LEF1: variants seen among roughly 807,000 people sequenced by gnomAD.
The protein encoded by LEF1 is lymphoid enhancer binding factor 1.
Under a neutral mutation model 51.2 loss-of-function variants are expected in LEF1, and 14 were observed. The observed-to-expected ratio is 0.27, with a 90% CI of 0.18 to 0.43. The LOEUF (loss-of-function observed/expected upper bound fraction) is 0.43, where lower values mean the gene tolerates loss of function less well. LEF1 is among the 20% of genes least tolerant of loss of function. The pLI, the probability that LEF1 is intolerant of heterozygous loss-of-function variation, is 1.00. For missense variants in LEF1, 386 were observed against 512.0 expected (o/e 0.75, Z 2.37); for synonymous variants, 185 against 183.2 (o/e 1.01, Z -0.08).
At chr4:108,149,639 A>ATATATGTACATGTG (rs1299473611) in intron 3 of LEF1, among the ~76,000 whole-genome samples, 18 of 148,224 alleles carry the variant, frequency 1.2e-4, no homozygotes, top group Non-Finnish European at 2.1e-4. Context: ...ATATATGTAC[A>ATATATGTACATGTG]TATATGTACA....
At chr4:108,087,802 C>T (rs1739750214) in intron 4 of LEF1, among the ~76,000 whole-genome samples, 1 of 152,156 alleles carries the variant, frequency 6.6e-6, no homozygotes, top group African/African-American at 2.4e-5. Flanking sequence ...CCTGTCTCCC[C>T]TTGGGTATCT....
chr4:108,051,050 G>A (rs1399078033), intron 11 of LEF1, among the ~76,000 whole-genome samples: 2 of 152,196 alleles, frequency 1.3e-5, no homozygotes, highest in Non-Finnish European at 2.9e-5. Flanking sequence ...CCCAGAGATA[G>A]CCATTTACCT....
chr4:108,078,390 G>T lies in LEF1; in HGVS notation c.846-8C>A, dbSNP rs756655488. The stretch of plus-strand genomic sequence containing the variant: ...TGTTCATGCTGAGGCTTCCTAAAAG[G>T]TGGTGGTGGTGGTGGTTAGGGGAAG... On this transcript the variant is annotated splice_region_variant and splice_polypyrimidine_tract_variant and intron_variant, in intron 7 of 11. Transcript: ENST00000265165. 10 of 1,608,456 alleles carry T rather than the reference G, an allele frequency of 6.2e-6. No homozygotes were observed. The African/African-American group carries it at 9.4e-5, about 15-fold the overall frequency.
At chr4:108,149,458 C>CAAAAAAAAAAAAAAAAAAAAAAAAAA (rs371482539) in intron 3 of LEF1, among the ~76,000 whole-genome samples, 3 of 60,592 alleles carry the variant, frequency 5.0e-5, no homozygotes, top group African/African-American at 2.2e-4. Flanking sequence ...GACTCCGTCT[C>CAAAAAAAAAAAAAAAAAAAAAAAAAA]AAAAAAAAAA....
At chr4:108,148,125 C>T (rs892524253) in intron 3 of LEF1, among the ~76,000 whole-genome samples, 1 of 152,184 alleles carries the variant, frequency 6.6e-6, no homozygotes, top group African/African-American at 2.4e-5. Flanking sequence ...AGAAGAGGGT[C>T]TAAGTCCTGG....
chr4:108,167,836 A>G lies in LEF1; in HGVS notation c.-69T>C. 2 of 1,372,540 alleles carry G rather than the reference A, an allele frequency of 1.5e-6. No homozygotes were observed. The highest frequency in any genetic ancestry group is 2.0e-6 in the Non-Finnish European group (2 of 983,256). 85.0% of individuals were successfully genotyped at this position (1,372,540 alleles called of 1,614,324 possible). A position where few individuals can be genotyped will look rare whatever the true frequency, so the allele number is the denominator to read the frequency against. On this transcript the variant is annotated 5_prime_UTR_variant, in exon 1 of 12. Transcript: ENST00000265165. This position sits in a 1 kb window ranked among gnomAD's most constrained non-coding sequence, Gnocchi z 5.7. The stretch of plus-strand genomic sequence containing the variant: ...GCAACAGCAGGAAAGACAGAGGGGT[A>G]ACTCAAGGGTGGGGGAGGAAAGGAG...
At chr4:108,078,515 C>G in intron 7 of LEF1, 133 bp from the exon 8 acceptor site, 1 of 1,111,772 alleles carries the variant, frequency 9.0e-7, no homozygotes, top group Non-Finnish European at 1.3e-6. Context: ...CCCAGACCAC[C>G]ACCAACTTGG....
intron 3 of LEF1, among the ~76,000 whole-genome samples, chr4:108,140,539 A>T (rs1210662549): frequency 6.6e-6 from 1 of 152,202 alleles, no homozygotes; most frequent in Non-Finnish European, 1.5e-5. Context: ...CTGATGTCTA[A>T]GCTGGAGCAG....
rs377569925 is a variant in LEF1 at position 108,067,622 on chromosome 4, C to T, written c.1116+3041G>A. On this transcript the variant is annotated intron_variant, in intron 9 of 11. Coordinates refer to ENST00000265165, the MANE Select transcript of LEF1 (RefSeq NM_016269.5). Reference sequence around the variant, plus strand: ...TGGGCTCATTGCAACCTCTTCCTCTCGGGTTCAAGCAATTCTTCTGCCTCA... The same window carrying T: ...TGGGCTCATTGCAACCTCTTCCTCTTGGGTTCAAGCAATTCTTCTGCCTCA... 3.3e-5 allele frequency among the ~76,000 whole-genome samples: 5 copies of T among 151,572 alleles called. No homozygotes were observed. In the South Asian group the frequency reaches 8.3e-4, roughly 25 times the overall value.
chr4:108,119,031 A>G (rs1742007750), intron 3 of LEF1, among the ~76,000 whole-genome samples: 3 of 151,720 alleles, frequency 2.0e-5, no homozygotes, highest in African/African-American at 7.3e-5. Context: ...GATGAAATAC[A>G]GTCAAGCAAC....
chr4:108,115,273 AAGTAGAAAC>A (rs1240779364), intron 3 of LEF1, among the ~76,000 whole-genome samples: 1 of 152,226 alleles, frequency 6.6e-6, no homozygotes, highest in Non-Finnish European at 1.5e-5. Context: ...CAGTAGTAGT[AAGTAGAAAC>A]AGTGGTGAGA....
At chr4:108,061,404 G>T (rs1477825738) in intron 11 of LEF1, among the ~76,000 whole-genome samples, 1 of 152,068 alleles carries the variant, frequency 6.6e-6, no homozygotes, top group Non-Finnish European at 1.5e-5. Flanking sequence ...AATACCATAG[G>T]ATGCTCATCT....
At chr4:108,160,089 T>C (rs1744973161) in intron 3 of LEF1, among the ~76,000 whole-genome samples, 1 of 152,122 alleles carries the variant, frequency 6.6e-6, no homozygotes, top group Non-Finnish European at 1.5e-5. Context: ...TTTTCTAAGG[T>C]GTTAAACATT....
At chr4:108,066,753 A>T (rs575731004) in intron 9 of LEF1, among the ~76,000 whole-genome samples, 6 of 152,244 alleles carry the variant, frequency 3.9e-5, no homozygotes, top group East Asian at 3.9e-4. Flanking sequence ...AAAACAAAAA[A>T]TTTTTTTTGT....
chr4:108,069,584 A>T (rs1024886683), intron 9 of LEF1, among the ~76,000 whole-genome samples: 1 of 152,230 alleles, frequency 6.6e-6, no homozygotes, highest in African/African-American at 2.4e-5. Context: ...TCTGTGGCAA[A>T]ACAGTCACCT....
intron 4 of LEF1, among the ~76,000 whole-genome samples, 195 bp from the exon 5 acceptor site, chr4:108,083,641 G>A (rs192270356): frequency 3.9e-5 from 6 of 152,194 alleles, no homozygotes; most frequent in Admixed American, 2.0e-4. Context: ...CCTTCAGAGA[G>A]TATTATCTTA....
In LEF1 at chr4:108,108,499, C is replaced by T. The variant is rs563725772; in HGVS notation, c.415-19242G>A. ...CAACCTAAAGCATGACATAAAGATG[C>T]TGTTCTCCTTCTGTATGTATAAAAT... On this transcript the variant is annotated intron_variant, in intron 3 of 11. Transcript: ENST00000265165. Among the ~76,000 whole-genome samples the T allele has an allele frequency of 1.9e-4, 29 of 152,226 alleles. No homozygotes were observed. The South Asian group carries it at 6.0e-3, about 32-fold the overall frequency.
At chr4:108,161,508 C>T (rs1745051932) in intron 3 of LEF1, among the ~76,000 whole-genome samples, 1 of 152,152 alleles carries the variant, frequency 6.6e-6, no homozygotes, top group South Asian at 2.1e-4. Context: ...ATTCACTGAC[C>T]TCAAAATTTT....
chr4:108,079,351 A>G (rs559161315), intron 7 of LEF1, 141 bp downstream of exon 7: 2 of 938,414 alleles, frequency 2.1e-6, no homozygotes, highest in African/African-American at 3.3e-5. Flanking sequence ...TAATGTCCTC[A>G]GGGACAGAGT....
Sources: gnomAD v4.1 joint callset for allele counts (sites outside exome capture counted in the v4.1 genomes callset) on GRCh38, gnomAD v4.1.1 for gene constraint, Gnocchi (gnomAD v3.1) non-coding constraint, MANE v1.5 for transcripts, NCBI Gene and HGNC (gene_info 2026-07-23, HGNC 2026-07-21) for gene names.